INHBE: variants seen among roughly 807,000 people sequenced by gnomAD.
INHBE encodes inhibin beta E chain.
In INHBE, 19 loss-of-function variants were observed where a neutral mutation model predicts 27.8. The observed-to-expected ratio is 0.68, with a 90% CI of 0.48 to 1.00. INHBE has a LOEUF of 1.00. Among genes scored for constraint, INHBE ranks in the 50% least tolerant of loss-of-function variants. INHBE has a pLI of 0.00. For synonymous variants in INHBE, 196 were observed against 187.2 expected (o/e 1.05, Z -0.38); for missense variants, 398 against 433.9 (o/e 0.92, Z 0.73).
chr12:57,456,367 ACTGCAGACCC>A lies in INHBE; in HGVS notation c.575_584del (p.Cys192Ter). On this transcript the variant is annotated frameshift_variant, in exon 2 of 2. Transcript: ENST00000266646. LOFTEE classifies it high-confidence loss of function. ...TCTGGTGTCCTGAAACTGCAACTAG[ACTGCAGACCC>A]CTAGAAGGCAACAGCACAGTTACTG... The A allele has an allele frequency of 2.5e-6, 4 of 1,613,936 alleles. No homozygotes were observed. Among genetic ancestry groups the A allele is most frequent in the Non-Finnish European group, 3.4e-6 (4 of 1,179,960 alleles).
rs374404122 is a variant in INHBE, at chr12:57,455,487, C to T, written c.-50C>T. 4.5e-5 allele frequency: 70 copies of T among 1,543,666 alleles called. No individual in the cohort carries two copies. Among genetic ancestry groups the T allele is most frequent in the East Asian group, 2.9e-4 (13 of 44,318 alleles). On this transcript the variant is annotated 5_prime_UTR_variant, in exon 1 of 2. The change creates a new upstream start codon in the 5' untranslated region. Coordinates refer to ENST00000266646, the MANE Select transcript of INHBE (RefSeq NM_031479.5). ...GCCCCCAGCAATCAGACTCAACAGACGGAGCAACTGCCATCCGAGGCTCCT... is the reference window on the plus strand; with the variant it reads ...GCCCCCAGCAATCAGACTCAACAGATGGAGCAACTGCCATCCGAGGCTCCT...
rs1335460224 is a variant in INHBE, at chr12:57,458,009, T to C, written c.*1161T>C. 1.3e-5 allele frequency: 2 copies of C among 152,262 alleles called. No homozygotes were observed. Among genetic ancestry groups the C allele is most frequent in the African/African-American group, 4.8e-5 (2 of 41,470 alleles). The allele number at this position is 152,262 out of a possible 1,614,324, so 9.4% of individuals were successfully genotyped here. A position where few individuals can be genotyped will look rare whatever the true frequency, so the allele number is the denominator to read the frequency against. On this transcript the variant is annotated 3_prime_UTR_variant, in exon 2 of 2. Transcript: ENST00000266646. ...ATCATCTTTCTGACATCATTGTTAA[T>C]GGAATGTGTGCTTGTATGGTCTTGT...
Position 57,456,087 on chromosome 12 carries a change from CG to C in INHBE, c.299-4del, listed in dbSNP as rs774966701. 17 of 1,600,000 alleles carry C rather than the reference CG, an allele frequency of 1.1e-5. No individual in the cohort carries two copies. The highest frequency in any genetic ancestry group is 1.5e-5 in the Non-Finnish European group (17 of 1,171,568). On this transcript the variant is annotated splice_region_variant and splice_polypyrimidine_tract_variant and intron_variant, in intron 1 of 1. Coordinates refer to ENST00000266646, the MANE Select transcript of INHBE (RefSeq NM_031479.5). ...CATTTTCTTTCCCTTTTCTGTCTTT[CG>C]GGCAGACTCCACTTCAGCCTACAGC... is the stretch of plus-strand genomic sequence containing the variant.
Position 57,456,418 on chromosome 12 carries a change from T to A in INHBE, c.623T>A (p.Leu208His). Residue 208 changes from leucine (L) to histidine (H), a missense_variant, in exon 2 of 2, where the codon CTC (leucine) becomes CAC (histidine). Transcript: ENST00000266646. The stretch of plus-strand genomic sequence containing the variant: ...ACAGTTACTGGACAACCGAGGCGGC[T>A]CTTGGACACAGCAGGACACCAGCAG... ...NSTVTGQPRRLLDTAGHQQPF... is the reference protein window; with the variant it reads ...NSTVTGQPRRHLDTAGHQQPF... 6.2e-7 allele frequency: 1 copy of A among 1,614,108 alleles called. No individual in the cohort carries two copies. Among genetic ancestry groups the A allele is most frequent in the African/African-American group, 1.3e-5 (1 of 75,012 alleles).
In INHBE at chr12:57,455,626, G is replaced by A. The variant is rs376782543; in HGVS notation, c.90G>A (p.Gly30=). 3.1e-6 allele frequency: 5 copies of A among 1,614,034 alleles called. No homozygotes were observed. Among genetic ancestry groups the A allele is most frequent in the East Asian group, 2.2e-5 (1 of 44,880 alleles). ...QGTGSVCPSC[G]GSKLAPQAER... The stretch of plus-strand genomic sequence containing the variant: ...CAGGGTCTGTGTGTCCCTCCTGTGG[G>A]GGCTCCAAACTGGCACCCCAAGCAG... Residue 30 remains glycine (G), a synonymous_variant, in exon 1 of 2, where the codon GGG becomes GGA. Transcript: ENST00000266646.
In INHBE at chr12:57,456,621, T is replaced by C. The variant is rs1731323784; in HGVS notation, c.826T>C (p.Cys276Arg). Residue 276 changes from cysteine to arginine, a missense_variant, in exon 2 of 2, where the codon TGC becomes CGC. Physicochemically the swap from Cys to Arg is radical, Grantham distance 180. Transcript: ENST00000266646. Reference protein sequence around the residue: ...LQPEGYQLNYCSGQCPPHLAG... With the variant: ...LQPEGYQLNYRSGQCPPHLAG... ...GCCCGAGGGGTACCAGCTGAATTAC[T>C]GCAGTGGGCAGTGCCCTCCCCACCT... 1 of 1,614,014 alleles carries C rather than the reference T, an allele frequency of 6.2e-7. No homozygotes were observed. The highest frequency in any genetic ancestry group is 1.3e-5 in the African/African-American group (1 of 74,912).
Position 57,455,446 on chromosome 12 carries a change from C to T in INHBE, c.-91C>T. Reference sequence around the variant, plus strand: ...TAGGTGTGGCAGTGGTGTCTGCTGTCACTGTGCCCTCATTGGCCCCCAGCA... The same window carrying T: ...TAGGTGTGGCAGTGGTGTCTGCTGTTACTGTGCCCTCATTGGCCCCCAGCA... On this transcript the variant is annotated 5_prime_UTR_variant, in exon 1 of 2. Coordinates refer to ENST00000266646, the MANE Select transcript of INHBE (RefSeq NM_031479.5). 1 of 1,294,766 alleles carries T rather than the reference C, an allele frequency of 7.7e-7. No homozygotes were observed. Among genetic ancestry groups the T allele is most frequent in the Non-Finnish European group, 1.1e-6 (1 of 931,314 alleles). 80.2% of individuals were successfully genotyped at this position (1,294,766 alleles called of 1,614,324 possible). A position where few individuals can be genotyped will look rare whatever the true frequency, so the allele number is the denominator to read the frequency against.
In INHBE at chr12:57,455,649, C is replaced by A; in HGVS notation, c.113C>A (p.Ala38Glu). 1.2e-6 allele frequency: 2 copies of A among 1,614,118 alleles called. No individual in the cohort carries two copies. Among genetic ancestry groups the A allele is most frequent in the Middle Eastern group, 3.3e-4 (2 of 6,060 alleles). Residue 38 changes from alanine to glutamate, a missense_variant, in exon 1 of 2, where the codon GCA (alanine) becomes GAA (glutamate). Transcript: ENST00000266646. ...GGGGGCTCCAAACTGGCACCCCAAGCAGAACGAGCTCTGGTGCTGGAGCTA... is the reference window on the plus strand; with the variant it reads ...GGGGGCTCCAAACTGGCACCCCAAGAAGAACGAGCTCTGGTGCTGGAGCTA... Reference protein sequence around the residue: ...SCGGSKLAPQAERALVLELAK... With the variant: ...SCGGSKLAPQEERALVLELAK...
chr12:57,455,430 C>G lies in INHBE; in HGVS notation c.-107C>G. On this transcript the variant is annotated 5_prime_UTR_variant, in exon 1 of 2. Coordinates refer to ENST00000266646, the MANE Select transcript of INHBE (RefSeq NM_031479.5). ...TACCCTTGGCCAAGGGTAGGTGTGG[C>G]AGTGGTGTCTGCTGTCACTGTGCCC... 1 of 1,086,294 alleles carries G rather than the reference C, an allele frequency of 9.2e-7. No homozygotes were observed. 67.3% of individuals were successfully genotyped at this position (1,086,294 alleles called of 1,614,324 possible). A position where few individuals can be genotyped will look rare whatever the true frequency, so the allele number is the denominator to read the frequency against.
Position 57,456,521 on chromosome 12 carries a change from T to C in INHBE, c.726T>C (p.Pro242=). The C allele has an allele frequency of 6.2e-7, 1 of 1,614,154 alleles. No individual in the cohort carries two copies. The highest frequency in any genetic ancestry group is 1.1e-5 in the South Asian group (1 of 91,084). The change falls in exon 2 of 2, where the codon CCT becomes CCC. Residue 242 remains proline, a synonymous_variant. Coordinates refer to ENST00000266646, the MANE Select transcript of INHBE (RefSeq NM_031479.5). Reference sequence around the variant, plus strand: ...GGAGGAGGACCCCCACCTGTGAGCCTGCGACCCCCTTATGTTGCAGGCGAG... The same window carrying C: ...GGAGGAGGACCCCCACCTGTGAGCCCGCGACCCCCTTATGTTGCAGGCGAG... ...RARRRTPTCE[P]ATPLCCRRDH...
rs762045556 is a variant in INHBE, at chr12:57,456,175, G to A, written c.380G>A (p.Trp127Ter). ...RSHHLYHARL[W>*]LHVLPTLPGT... is the part of the protein sequence containing the mutation. ...CACCACCTGTACCATGCCCGCCTGT[G>A]GCTGCACGTGCTCCCCACCCTTCCT... Residue 127 changes from tryptophan (W) to a stop codon, truncating the protein, a stop_gained, in exon 2 of 2, where the codon TGG becomes TAG. Transcript: ENST00000266646. LOFTEE classifies it high-confidence loss of function. The A allele has an allele frequency of 6.2e-7, 1 of 1,614,098 alleles. No individual in the cohort carries two copies. The highest frequency in any genetic ancestry group is 8.5e-7 in the Non-Finnish European group (1 of 1,180,024).
Position 57,457,134 on chromosome 12 carries a change from G to C in INHBE, c.*286G>C. The C allele has an allele frequency of 2.9e-6, 1 of 339,894 alleles. No individual in the cohort carries two copies. 21.1% of individuals were successfully genotyped at this position (339,894 alleles called of 1,614,324 possible). On this transcript the variant is annotated 3_prime_UTR_variant, in exon 2 of 2. Coordinates refer to ENST00000266646, the MANE Select transcript of INHBE (RefSeq NM_031479.5). ...CCTAAGTCCTGTGAGAAGATGTCAG[G>C]GACTAGGGAGGGAGGGAGGGAAGGC...
In INHBE at chr12:57,457,725, C is replaced by T. The variant is rs894306082; in HGVS notation, c.*877C>T. The stretch of plus-strand genomic sequence containing the variant: ...TGATGAGATTATAGGCGTGAGCCAC[C>T]GCGCCTGGCTTATACTTTCTTAATA... On this transcript the variant is annotated 3_prime_UTR_variant, in exon 2 of 2. Transcript: ENST00000266646. The T allele has an allele frequency of 7.2e-5, 11 of 152,080 alleles. No individual in the cohort carries two copies. The highest frequency in any genetic ancestry group is 6.6e-4 in the Admixed American group (10 of 15,264). The allele number at this position is 152,080 out of a possible 1,614,324, so 9.4% of individuals were successfully genotyped here. A position where few individuals can be genotyped will look rare whatever the true frequency, so the allele number is the denominator to read the frequency against.
In INHBE at chr12:57,456,396, G is replaced by A. The variant is rs2139840028; in HGVS notation, c.601G>A (p.Val201Ile). The change falls in exon 2 of 2, where the codon GTT (valine) becomes ATT (isoleucine). Residue 201 changes from valine to isoleucine, a missense_variant. Transcript: ENST00000266646. Reference protein sequence around the residue: ...DCRPLEGNSTVTGQPRRLLDT... With the variant: ...DCRPLEGNSTITGQPRRLLDT... Reference sequence around the variant, plus strand: ...CAGACCCCTAGAAGGCAACAGCACAGTTACTGGACAACCGAGGCGGCTCTT... The same window carrying A: ...CAGACCCCTAGAAGGCAACAGCACAATTACTGGACAACCGAGGCGGCTCTT... The A allele has an allele frequency of 6.2e-7, 1 of 1,614,174 alleles. No individual in the cohort carries two copies. The highest frequency in any genetic ancestry group is 1.3e-5 in the African/African-American group (1 of 75,042).
At position 57,455,778 on chromosome 12, in the gene INHBE, C is replaced by T; in HGVS notation, c.242C>T (p.Pro81Leu). The change falls in exon 1 of 2, where the codon CCA (proline) becomes CTA (leucine). Residue 81 changes from proline (P) to leucine (L), a missense_variant. By Grantham distance (98) the Pro-to-Leu change is moderately conservative. Coordinates refer to ENST00000266646, the MANE Select transcript of INHBE (RefSeq NM_031479.5). The part of the protein sequence containing the change: ...ALTRALRRLQ[P>L]GSVAPGNGEE... ...ACCAGAGCCCTCCGGAGACTACAGCCAGGGAGTGTGGCTCCAGGGAATGGG... is the reference window on the plus strand; with the variant it reads ...ACCAGAGCCCTCCGGAGACTACAGCTAGGGAGTGTGGCTCCAGGGAATGGG... The T allele has an allele frequency of 6.2e-7, 1 of 1,614,104 alleles. No homozygotes were observed.
chr12:57,457,486 C>G lies in INHBE; in HGVS notation c.*638C>G, dbSNP rs764944073. On this transcript the variant is annotated 3_prime_UTR_variant, in exon 2 of 2. Transcript: ENST00000266646. The stretch of plus-strand genomic sequence containing the variant: ...TATTTTTTTGAGATCGAGTCTCGCT[C>G]TGTCACCAGGCTGGAGTGCAGTGAC... 3 of 152,192 alleles carry G rather than the reference C, an allele frequency of 2.0e-5. No individual in the cohort carries two copies. The highest frequency in any genetic ancestry group is 4.4e-5 in the Non-Finnish European group (3 of 68,096). 9.4% of individuals were successfully genotyped at this position (152,192 alleles called of 1,614,324 possible). A position where few individuals can be genotyped will look rare whatever the true frequency, so the allele number is the denominator to read the frequency against.
In INHBE at chr12:57,455,713, T is replaced by G; in HGVS notation, c.177T>G (p.Ser59Arg). 5 of 1,614,010 alleles carry G rather than the reference T, an allele frequency of 3.1e-6. No individual in the cohort carries two copies. The highest frequency in any genetic ancestry group is 4.2e-6 in the Non-Finnish European group (5 of 1,179,966). Residue 59 changes from serine to arginine, a missense_variant, in exon 1 of 2, where the codon AGT (serine) becomes AGG (arginine). Coordinates refer to ENST00000266646, the MANE Select transcript of INHBE (RefSeq NM_031479.5). Reference protein sequence around the residue: ...QQILDGLHLTSRPRITHPPPQ... With the variant: ...QQILDGLHLTRRPRITHPPPQ... ...TCCTGGATGGGTTGCACCTGACCAG[T>G]CGTCCCAGAATAACTCATCCTCCAC...
chr12:57,455,370 TTCCTGAGTCC>T lies in INHBE; in HGVS notation c.-166_-157del. ...TCCATCAGATGATCTACTTTCAGCC[TTCCTGAGTCC>T]CAGACAATAGAAGACAGGTGGCTGT... On this transcript the variant is annotated 5_prime_UTR_variant, in exon 1 of 2. It removes the in-frame stop codon of an upstream open reading frame in the 5' UTR. Transcript: ENST00000266646. 3.1e-6 allele frequency: 2 copies of T among 636,622 alleles called. No homozygotes were observed. Among genetic ancestry groups the T allele is most frequent in the Non-Finnish European group, 5.5e-6 (2 of 365,482 alleles). The allele number at this position is 636,622 out of a possible 1,614,324, so 39.4% of individuals were successfully genotyped here.
Position 57,456,447 on chromosome 12 carries a change from T to G in INHBE, c.652T>G (p.Phe218Val), listed in dbSNP as rs761269326. ...GGACACAGCAGGACACCAGCAGCCCTTCCTAGAGCTTAAGATCCGAGCCAA... is the reference window on the plus strand; with the variant it reads ...GGACACAGCAGGACACCAGCAGCCCGTCCTAGAGCTTAAGATCCGAGCCAA... ...LLDTAGHQQP[F>V]LELKIRANEP... The change falls in exon 2 of 2, where the codon TTC becomes GTC. Residue 218 changes from phenylalanine (F) to valine (V), a missense_variant. Phe to Val is a conservative substitution (Grantham distance 50). Transcript: ENST00000266646. The G allele has an allele frequency of 1.2e-6, 2 of 1,614,082 alleles. No individual in the cohort carries two copies. Among genetic ancestry groups the G allele is most frequent in the Non-Finnish European group, 8.5e-7 (1 of 1,179,998 alleles).
Sources: allele counts gnomAD v4.1 joint callset, GRCh38; gene constraint gnomAD v4.1.1; transcripts MANE v1.5; gene names NCBI Gene and HGNC (gene_info 2026-07-23, HGNC 2026-07-21).